SLC22A23: variants seen among roughly 807,000 people sequenced by gnomAD.
The protein encoded by SLC22A23 is ion transporter protein.
SLC22A23 carries 26 observed loss-of-function variants against 61.0 expected under a neutral mutation model. The ratio of observed to expected loss-of-function variants is 0.43; its 90% CI spans 0.31 to 0.59. The LOEUF is 0.59. SLC22A23 is among the 20% of genes least tolerant of loss of function. SLC22A23 has a pLI of 0.11. For missense variants in SLC22A23, 796 were observed against 934.7 expected (o/e 0.85, Z 1.94); for synonymous variants, 430 against 413.9 (o/e 1.04, Z -0.47).
At chr6:3,443,701 T>C (rs879655425) in intron 1 of SLC22A23, among the ~76,000 whole-genome samples, 1 of 152,182 alleles carries the variant, frequency 6.6e-6, no homozygotes, top group Non-Finnish European at 1.5e-5. Flanking sequence ...TCCCCAGCCC[T>C]GCGTAACCTC....
chr6:3,428,600 A>G (rs769308886), intron 1 of SLC22A23, among the ~76,000 whole-genome samples: 5 of 152,224 alleles, frequency 3.3e-5, no homozygotes, highest in Non-Finnish European at 7.3e-5. Flanking sequence ...AGGACAGTCA[A>G]GTTGATCCAT....
Position 3,308,030 on chromosome 6 carries a change from A to G in SLC22A23, c.1083-9812T>C, listed in dbSNP as rs1762108580. Among the ~76,000 whole-genome samples, 1 of 152,140 alleles carries G rather than the reference A, an allele frequency of 6.6e-6. No homozygotes were observed. Among genetic ancestry groups the G allele is most frequent in the South Asian group, 2.1e-4 (1 of 4,822 alleles). On this transcript the variant is annotated intron_variant, in intron 4 of 9. Transcript: ENST00000406686. This position sits in a 1 kb window ranked among gnomAD's most constrained non-coding sequence, Gnocchi z 5.1. The stretch of plus-strand genomic sequence containing the variant: ...TCACATCAGGCACTAGAGGAGTCAA[A>G]TTCATAGCAAGTAGAGTGGGGGCTG...
Position 3,272,864 on chromosome 6 carries a change from T to C in SLC22A23, c.*191A>G. 1.9e-6 allele frequency: 1 copy of C among 520,072 alleles called. No individual in the cohort carries two copies. The highest frequency in any genetic ancestry group is 3.4e-6 in the Non-Finnish European group (1 of 298,046). The allele number at this position is 520,072 out of a possible 1,614,324, so 32.2% of individuals were successfully genotyped here. ...AGAAAAGAAAGTCTTGAAAGGGTTA[T>C]TTCCAAAGAGTTTGTCTCCTCCGAC... On this transcript the variant is annotated 3_prime_UTR_variant, in exon 10 of 10. Transcript: ENST00000406686.
At position 3,454,259 on chromosome 6, in the gene SLC22A23, G is replaced by T. The variant is rs1233534586; in HGVS notation, c.654+1647C>A. 6.6e-6 allele frequency among the ~76,000 whole-genome samples: 1 copy of T among 152,132 alleles called. No homozygotes were observed. The highest frequency in any genetic ancestry group is 1.5e-5 in the Non-Finnish European group (1 of 68,030). ...GAAAAACTGCCCAGCTCTCCAATAT[G>T]CCTCCATAGTCTGCTTTTAAGAACT... On this transcript the variant is annotated intron_variant, in intron 1 of 9. Transcript: ENST00000406686. This position sits in a 1 kb window ranked among gnomAD's most constrained non-coding sequence, Gnocchi z 4.3.
intron 1 of SLC22A23, among the ~76,000 whole-genome samples, chr6:3,425,447 G>A (rs2127534356): frequency 6.6e-6 from 1 of 151,946 alleles, no homozygotes; most frequent in African/African-American, 2.4e-5. Context: ...ACCACGCCCG[G>A]CTAATTTTTT....
intron 9 of SLC22A23, among the ~76,000 whole-genome samples, chr6:3,281,474 C>T (rs546494248): frequency 6.6e-6 from 1 of 152,312 alleles, no homozygotes; most frequent in Non-Finnish European, 1.5e-5. Flanking sequence ...GAACTTTTTG[C>T]AGAAAATTTC....
intron 4 of SLC22A23, chr6:3,313,420 A>T (rs1301898648): frequency 6.6e-6 from 1 of 152,186 alleles, no homozygotes; most frequent in Non-Finnish European, 1.5e-5. Context: ...AAAAATAATT[A>T]TTGCCTATTG....
rs41301847 is a variant in SLC22A23 at position 3,285,062 on chromosome 6, A to G, written c.1579+17T>C. 0.02 allele frequency: 32,847 copies of G among 1,612,500 alleles called. 404 individuals carry two copies. The highest frequency in any genetic ancestry group is 0.028 in the South Asian group (2,549 of 90,732). On this transcript the variant is annotated intron_variant, in intron 8 of 9. Coordinates refer to ENST00000406686, the MANE Select transcript of SLC22A23 (RefSeq NM_015482.2). ...AATATGAGACGAGGAAGCACAGCCC[A>G]CGCGCTTGGGACTCACCTGAGTCTG... is the stretch of plus-strand genomic sequence containing the variant.
At chr6:3,314,160 AC>A (rs913167849) in intron 4 of SLC22A23, among the ~76,000 whole-genome samples, 2 of 152,212 alleles carry the variant, frequency 1.3e-5, no homozygotes, top group Non-Finnish European at 2.9e-5. Context: ...AATTTTAAGA[AC>A]TGTTTTTGTC....
intron 7 of SLC22A23, among the ~76,000 whole-genome samples, chr6:3,285,558 C>A (rs1331377772): frequency 9.9e-5 from 15 of 152,200 alleles, no homozygotes; most frequent in African/African-American, 3.6e-4. Context: ...AAAGGGGCAC[C>A]ACAACACCCG....
chr6:3,398,275 C>A (rs973886510), intron 3 of SLC22A23, among the ~76,000 whole-genome samples: 1 of 152,026 alleles, frequency 6.6e-6, no homozygotes, highest in African/African-American at 2.4e-5. Context: ...TAACCCTACC[C>A]CCAACCCTGA....
intron 1 of SLC22A23, among the ~76,000 whole-genome samples, chr6:3,421,454 G>A (rs1214083627): frequency 3.3e-5 from 5 of 152,212 alleles, no homozygotes; most frequent in Middle Eastern, 3.4e-3. Flanking sequence ...TAAAAATTTC[G>A]CTTTTGAAAA....
At chr6:3,274,618 C>G (rs956483401) in intron 9 of SLC22A23, among the ~76,000 whole-genome samples, 9 of 152,188 alleles carry the variant, frequency 5.9e-5, no homozygotes, top group South Asian at 4.1e-4. Context: ...TTGGTTGGCA[C>G]TATAGGTAGC....
chr6:3,383,788 C>T (rs1053661612), intron 3 of SLC22A23, among the ~76,000 whole-genome samples: 5 of 152,138 alleles, frequency 3.3e-5, no homozygotes, highest in African/African-American at 7.2e-5. Context: ...GAGGTGGGGG[C>T]GGGCGACGGG....
rs983228795 is a variant in SLC22A23, at chr6:3,342,699, G to A, written c.914-18697C>T. On this transcript the variant is annotated intron_variant, in intron 3 of 9. Coordinates refer to ENST00000406686, the MANE Select transcript of SLC22A23 (RefSeq NM_015482.2). This position sits in a 1 kb window ranked among gnomAD's most constrained non-coding sequence, Gnocchi z 4.0. ...TGGGATTTCTCATCTGCCTGAAACTGCCATCGTACAAATAACACCTTCACA... is the reference window on the plus strand; with the variant it reads ...TGGGATTTCTCATCTGCCTGAAACTACCATCGTACAAATAACACCTTCACA... 6.6e-6 allele frequency among the ~76,000 whole-genome samples: 1 copy of A among 152,192 alleles called. No individual in the cohort carries two copies. Among genetic ancestry groups the A allele is most frequent in the Non-Finnish European group, 1.5e-5 (1 of 68,038 alleles).
At chr6:3,397,118 C>G (rs997860257) in intron 3 of SLC22A23, among the ~76,000 whole-genome samples, 3 of 152,220 alleles carry the variant, frequency 2.0e-5, no homozygotes, top group African/African-American at 7.2e-5. Flanking sequence ...GTTTGAGCAG[C>G]AGGGCACTGG....
intron 3 of SLC22A23, among the ~76,000 whole-genome samples, chr6:3,351,206 C>G (rs1210918392): frequency 6.6e-6 from 1 of 152,096 alleles, no homozygotes; most frequent in East Asian, 1.9e-4. Flanking sequence ...GAGAGGCCCT[C>G]GCAGTTAAAG....
rs1279547020 is a variant in SLC22A23 at position 3,317,490 on chromosome 6, T to G, written c.1082+6344A>C. ...GCTCCTAGATACTCCCTTCTTCTTG[T>G]GGTTTGGATCTTGCATCTTCCCCGC... On this transcript the variant is annotated intron_variant, in intron 4 of 9. Coordinates refer to ENST00000406686, the MANE Select transcript of SLC22A23 (RefSeq NM_015482.2). This position sits in a 1 kb window ranked among gnomAD's most constrained non-coding sequence, Gnocchi z 4.4. Among the ~76,000 whole-genome samples, 1 of 152,124 alleles carries G rather than the reference T, an allele frequency of 6.6e-6. No homozygotes were observed. The highest frequency in any genetic ancestry group is 1.5e-5 in the Non-Finnish European group (1 of 68,012).
chr6:3,452,417 A>AC (rs1171890970), intron 1 of SLC22A23, among the ~76,000 whole-genome samples: 4 of 151,606 alleles, frequency 2.6e-5, no homozygotes, highest in Non-Finnish European at 5.9e-5. Context: ...ATATAGCAAG[A>AC]CCCCCCTCTC....
Sources: allele counts gnomAD v4.1 joint callset (sites outside exome capture counted in the v4.1 genomes callset), GRCh38; gene constraint gnomAD v4.1.1; non-coding constraint Gnocchi (gnomAD v3.1); transcripts MANE v1.5; gene names NCBI Gene and HGNC (gene_info 2026-07-23, HGNC 2026-07-21).